The following GLI3 variants were observed in gnomAD, a reference collection of about 807,000 sequenced individuals.
The protein encoded by GLI3 is transcription activator GLI3.
A neutral mutation model predicts 100.8 loss-of-function variants in GLI3; 20 were observed. The ratio of observed to expected loss-of-function variants is 0.20; its 90% CI spans 0.14 to 0.29. The LOEUF (loss-of-function observed/expected upper bound fraction) is 0.29, where lower values mean the gene tolerates loss of function less well. Among genes scored for constraint, GLI3 ranks in the 10% least tolerant of loss-of-function variants. GLI3 has a pLI of 1.00. For synonymous variants in GLI3, 938 were observed against 860.5 expected (o/e 1.09, Z -1.58); for missense variants, 2,040 against 2,128.5 (o/e 0.96, Z 0.82).
chr7:42,186,798 A>T (rs371581276), intron 2 of GLI3, among the ~76,000 whole-genome samples: 1 of 151,548 alleles, frequency 6.6e-6, no homozygotes, highest in Non-Finnish European at 1.5e-5. Context: ...CAACTTTTAT[A>T]AACCACCACA....
At chr7:41,999,683 A>G (rs1046773200) in intron 10 of GLI3, among the ~76,000 whole-genome samples, 3 of 152,044 alleles carry the variant, frequency 2.0e-5, no homozygotes, top group Non-Finnish European at 4.4e-5. Context: ...AGTGGGGGCC[A>G]CTCCTTGGCG....
chr7:42,226,914 T>C (rs1788592028), intron 1 of GLI3, among the ~76,000 whole-genome samples: 2 of 152,162 alleles, frequency 1.3e-5, no homozygotes, highest in Admixed American at 6.5e-5. Context: ...GGAAAGTCAC[T>C]CCTGAGCTGG....
chr7:42,067,752 C>T (rs1297155021), intron 4 of GLI3, among the ~76,000 whole-genome samples: 2 of 152,026 alleles, frequency 1.3e-5, no homozygotes. Context: ...CAATGAGGGA[C>T]CCTGTATGGG....
chr7:42,165,517 A>G (rs541618402), intron 2 of GLI3, among the ~76,000 whole-genome samples: 25 of 152,354 alleles, frequency 1.6e-4, no homozygotes, highest in African/African-American at 6.0e-4. Flanking sequence ...AAAAGAAGTA[A>G]CAAATTAGTT....
chr7:42,053,540 G>A (rs1289389967), intron 4 of GLI3, among the ~76,000 whole-genome samples: 2 of 152,222 alleles, frequency 1.3e-5, no homozygotes, highest in African/African-American at 2.4e-5. Flanking sequence ...AATATTTGTC[G>A]AGCTTGTTAA....
chr7:42,143,132 C>T (rs181415455), intron 3 of GLI3, among the ~76,000 whole-genome samples: 80 of 152,276 alleles, frequency 5.3e-4, no homozygotes, highest in African/African-American at 1.9e-3. Flanking sequence ...GATCTCCTCA[C>T]TCCAGCTCTT....
chr7:42,243,780 G>C (rs1018511058), intron 1 of GLI3, among the ~76,000 whole-genome samples: 1 of 152,146 alleles, frequency 6.6e-6, no homozygotes, highest in African/African-American at 2.4e-5. Context: ...GGAGATTTAT[G>C]TCTGTGCTCT....
At chr7:42,133,838 T>C (rs1356279357) in intron 3 of GLI3, among the ~76,000 whole-genome samples, 1 of 151,986 alleles carries the variant, frequency 6.6e-6, no homozygotes, top group Non-Finnish European at 1.5e-5. Context: ...TCCTAGCACT[T>C]TGGGAGGCCC....
chr7:41,965,597 G>C lies in GLI3; in HGVS notation c.3476C>G (p.Pro1159Arg). Reference sequence around the variant, plus strand: ...GGAGCTGACTTCGTTCCACTGAATGGGCAGGTCGGTTTTGCTGCCCTCGGG... The same window carrying C: ...GGAGCTGACTTCGTTCCACTGAATGCGCAGGTCGGTTTTGCTGCCCTCGGG... ...PCPEGSKTDL[P>R]IQWNEVSSGS... Residue 1159 changes from proline to arginine, a missense_variant, in exon 15 of 15, where the codon CCC (proline) becomes CGC (arginine). By Grantham distance (103) the Pro-to-Arg change is moderately radical (BLOSUM62 -2). Around this residue, in one of 5 missense-constraint regions of GLI3, gnomAD observed 1,041 missense variants for 924.0 expected, o/e 1.13. Coordinates refer to ENST00000395925, the MANE Select transcript of GLI3 (RefSeq NM_000168.6). 6.2e-7 allele frequency: 1 copy of C among 1,607,252 alleles called. No homozygotes were observed. Among genetic ancestry groups the C allele is most frequent in the Non-Finnish European group, 8.5e-7 (1 of 1,174,556 alleles).
chr7:42,207,623 T>A (rs1262209301), intron 2 of GLI3, among the ~76,000 whole-genome samples: 1 of 152,002 alleles, frequency 6.6e-6, no homozygotes, highest in South Asian at 2.1e-4. Flanking sequence ...TGAAAAAAAA[T>A]GTGCATGTCC....
At chr7:42,217,059 C>A (rs1266210946) in intron 2 of GLI3, among the ~76,000 whole-genome samples, 1 of 152,160 alleles carries the variant, frequency 6.6e-6, no homozygotes, top group Non-Finnish European at 1.5e-5. Context: ...GAGCAAGTCC[C>A]ATGCGTGACA....
chr7:42,037,987 G>A (rs1053906472), intron 7 of GLI3, among the ~76,000 whole-genome samples: 2 of 152,128 alleles, frequency 1.3e-5, no homozygotes, highest in Non-Finnish European at 2.9e-5. Context: ...AAGAGACCTG[G>A]GCAGAGAGCA....
chr7:41,994,624 G>A (rs1788075145), intron 10 of GLI3, among the ~76,000 whole-genome samples: 2 of 152,136 alleles, frequency 1.3e-5, no homozygotes, highest in African/African-American at 4.8e-5. Flanking sequence ...CTGGGGGAGG[G>A]TGACTTTTCT....
intron 3 of GLI3, among the ~76,000 whole-genome samples, chr7:42,125,255 C>T (rs1231636573): frequency 6.6e-6 from 1 of 152,140 alleles, no homozygotes; most frequent in Non-Finnish European, 1.5e-5. Context: ...CAGGTGGCGC[C>T]AAGGTCCCTG....
At chr7:42,168,192 C>T (rs1055166388) in intron 2 of GLI3, among the ~76,000 whole-genome samples, 1 of 152,200 alleles carries the variant, frequency 6.6e-6, no homozygotes, top group Non-Finnish European at 1.5e-5. Flanking sequence ...AATCAGAACT[C>T]AGTACCTTGT....
intron 3 of GLI3, among the ~76,000 whole-genome samples, chr7:42,091,788 C>T (rs191402144): frequency 2.2e-4 from 33 of 152,326 alleles, no homozygotes; most frequent in Admixed American, 2.0e-3. Context: ...AGTTCCTTAA[C>T]GATTCTTCCC....
chr7:42,253,630 C>T (rs557637414), intron 1 of GLI3, among the ~76,000 whole-genome samples: 1 of 152,334 alleles, frequency 6.6e-6, no homozygotes, highest in Non-Finnish European at 1.5e-5. Context: ...CCCAGTTTCT[C>T]CTCTTCCCAC....
chr7:42,219,379 G>A (rs961200637), intron 2 of GLI3, among the ~76,000 whole-genome samples: 8 of 151,736 alleles, frequency 5.3e-5, no homozygotes, highest in African/African-American at 1.9e-4. Context: ...GGCTTTATAT[G>A]TTGATATAGG....
At chr7:42,254,443 G>A (rs1789065362) in intron 1 of GLI3, among the ~76,000 whole-genome samples, 1 of 152,168 alleles carries the variant, frequency 6.6e-6, no homozygotes, top group Non-Finnish European at 1.5e-5. Flanking sequence ...TTTCAAAAGG[G>A]TTGACTGGCC....
Sources: allele counts gnomAD v4.1 joint callset (sites outside exome capture counted in the v4.1 genomes callset), GRCh38; gene constraint gnomAD v4.1.1; regional missense constraint gnomAD v4.1.1; transcripts MANE v1.5; gene names NCBI Gene and HGNC (gene_info 2026-07-23, HGNC 2026-07-21).